The following TOP1 variants were observed in gnomAD, a reference collection of about 807,000 sequenced individuals.
TOP1 encodes the protein DNA topoisomerase I.
TOP1 carries 10 observed loss-of-function variants against 111.1 expected under a neutral mutation model. The ratio of observed to expected loss-of-function variants is 0.09; its 90% CI spans 0.06 to 0.15. The LOEUF (loss-of-function observed/expected upper bound fraction) is 0.15, where lower values mean the gene tolerates loss of function less well. Among genes scored for constraint, TOP1 ranks in the 10% least tolerant of loss-of-function variants. The probability of loss-of-function intolerance (pLI) is 1.00; values close to 1 mark genes in which losing one functional copy is unlikely to be tolerated. For missense variants in TOP1, 474 were observed against 926.7 expected, an observed-to-expected ratio of 0.51 and a Z score of 6.34; for synonymous variants, 271 against 302.9, an observed-to-expected ratio of 0.89 and a Z score of 1.10.
In TOP1 at chr20:41,116,907, CTG is replaced by C. The variant is rs1325142634; in HGVS notation, c.1822+517_1822+518del. 3.3e-5 allele frequency among the ~76,000 whole-genome samples: 5 copies of C among 152,102 alleles called. No homozygotes were observed. Among genetic ancestry groups the C allele is most frequent in the African/African-American group, 1.2e-4 (5 of 41,400 alleles). On this transcript the variant is annotated intron_variant, in intron 17 of 20. Transcript: ENST00000361337. The surrounding 1 kb of genome is among the most constrained non-coding windows in gnomAD (Gnocchi z 5.6). The stretch of plus-strand genomic sequence containing the variant: ...GTCACTATTGAATTTCCACTGCCCT[CTG>C]TAAATACATCAGATGGCCTTAGAAT...
intron 13 of TOP1, among the ~76,000 whole-genome samples, chr20:41,111,830 T>C (rs1443198977): frequency 6.6e-6 from 1 of 152,118 alleles, no homozygotes; most frequent in Non-Finnish European, 1.5e-5. Context: ...CTAGTCTGTT[T>C]TATGCTGTTT....
rs1045873137 is a variant in TOP1 at position 41,028,876 on chromosome 20, C to G, written c.-192C>G. 2.8e-5 allele frequency: 16 copies of G among 561,542 alleles called. No homozygotes were observed. The highest frequency in any genetic ancestry group is 2.8e-4 in the African/African-American group (14 of 50,024). 34.8% of individuals were successfully genotyped at this position (561,542 alleles called of 1,614,324 possible). A position where few individuals can be genotyped will look rare whatever the true frequency, so the allele number is the denominator to read the frequency against. On this transcript the variant is annotated 5_prime_UTR_variant, in exon 1 of 21. Transcript: ENST00000361337. ...GCTGGGGTCTGTTCTCGCCGCCCGC[C>G]CGGCAGTCAGGCAGCGTCGCCGCCG... is the stretch of plus-strand genomic sequence containing the variant.
intron 2 of TOP1, among the ~76,000 whole-genome samples, chr20:41,055,410 A>G (rs1457756196): frequency 6.6e-6 from 1 of 152,246 alleles, no homozygotes; most frequent in African/African-American, 2.4e-5. Context: ...AGGCCACAGT[A>G]TGTTCTCTCC....
intron 3 of TOP1, among the ~76,000 whole-genome samples, chr20:41,073,887 C>A (rs1210722714): frequency 6.6e-6 from 1 of 152,148 alleles, no homozygotes; most frequent in African/African-American, 2.4e-5. Context: ...ATTCATCCAT[C>A]AATATTATAG....
intron 3 of TOP1, among the ~76,000 whole-genome samples, chr20:41,065,488 A>G (rs980437564): frequency 1.3e-5 from 2 of 152,204 alleles, no homozygotes; most frequent in African/African-American, 4.8e-5. Context: ...TGTCACCACT[A>G]TCTCCAGAAC....
Position 41,116,506 on chromosome 20 carries a change from C to T in TOP1, c.1822+114C>T. The T allele has an allele frequency of 4.0e-6, 3 of 743,946 alleles. No homozygotes were observed. The highest frequency in any genetic ancestry group is 3.4e-5 in the South Asian group (2 of 58,394). The allele number at this position is 743,946 out of a possible 1,614,324, so 46.1% of individuals were successfully genotyped here. On this transcript the variant is annotated intron_variant, in intron 17 of 20. Coordinates refer to ENST00000361337, the MANE Select transcript of TOP1 (RefSeq NM_003286.4). This position sits in a 1 kb window ranked among gnomAD's most constrained non-coding sequence, Gnocchi z 5.6. Reference sequence around the variant, plus strand: ...TTTTTTCCCTACCATTGTGGTCAGACACTTTTTCCCTTTAGACCTCTAGTA... The same window carrying T: ...TTTTTTCCCTACCATTGTGGTCAGATACTTTTTCCCTTTAGACCTCTAGTA...
At chr20:41,081,962 G>A (rs181544174) in intron 7 of TOP1, among the ~76,000 whole-genome samples, 1 of 152,292 alleles carries the variant, frequency 6.6e-6, no homozygotes. Context: ...GATGCTTGTG[G>A]TAGATTGAAA....
Position 41,091,261 on chromosome 20 carries a change from T to C in TOP1, c.615-1211T>C, listed in dbSNP as rs945790204. Among the ~76,000 whole-genome samples the C allele has an allele frequency of 6.6e-5, 10 of 152,214 alleles. 1 individual carries two copies. The highest frequency in any genetic ancestry group is 5.9e-4 in the Admixed American group (9 of 15,284). ...AAATATGAGGGTAGTAAGTTAGTTA[T>C]CTATTCGAGTAAAAGAAACTTGAGG... On this transcript the variant is annotated intron_variant, in intron 8 of 20. Coordinates refer to ENST00000361337, the MANE Select transcript of TOP1 (RefSeq NM_003286.4).
Position 41,102,806 on chromosome 20 carries a change from A to C in TOP1, c.1308+1453A>C, listed in dbSNP as rs989737718. Among the ~76,000 whole-genome samples the C allele has an allele frequency of 6.6e-6, 1 of 152,202 alleles. No homozygotes were observed. The highest frequency in any genetic ancestry group is 1.5e-5 in the Non-Finnish European group (1 of 68,028). ...AATAGTTTTAGCCCTTAAGGAACTT[A>C]TAGGCTGGTGGGCAAATCAGGTAAG... On this transcript the variant is annotated intron_variant, in intron 13 of 20. Transcript: ENST00000361337. The surrounding 1 kb of genome is among the most constrained non-coding windows in gnomAD (Gnocchi z 4.0).
chr20:41,090,457 C>T (rs186784588), intron 8 of TOP1, among the ~76,000 whole-genome samples: 8 of 152,290 alleles, frequency 5.3e-5, no homozygotes, highest in Admixed American at 5.2e-4. Flanking sequence ...CTTTCACTCT[C>T]TTGAAGTGTC....
intron 8 of TOP1, among the ~76,000 whole-genome samples, chr20:41,086,066 C>T (rs553076040): frequency 6.6e-6 from 1 of 152,168 alleles, no homozygotes; most frequent in Non-Finnish European, 1.5e-5. Flanking sequence ...AGTTCGAGAC[C>T]AACCTGGCCA....
At chr20:41,066,253 TAAA>T (rs147532568) in intron 3 of TOP1, among the ~76,000 whole-genome samples, 1 of 143,552 alleles carries the variant, frequency 7.0e-6, no homozygotes, top group Non-Finnish European at 1.5e-5. Flanking sequence ...AATCTTCTCT[TAAA>T]AAAAAAAAAG....
Position 41,116,509 on chromosome 20 carries a change from T to C in TOP1, c.1822+117T>C. The C allele has an allele frequency of 2.7e-6, 2 of 727,784 alleles. No homozygotes were observed. The highest frequency in any genetic ancestry group is 4.6e-6 in the Non-Finnish European group (2 of 430,166). The allele number at this position is 727,784 out of a possible 1,614,324, so 45.1% of individuals were successfully genotyped here. On this transcript the variant is annotated intron_variant, in intron 17 of 20. Coordinates refer to ENST00000361337, the MANE Select transcript of TOP1 (RefSeq NM_003286.4). The surrounding 1 kb of genome is among the most constrained non-coding windows in gnomAD (Gnocchi z 5.6). ...TTTCCCTACCATTGTGGTCAGACAC[T>C]TTTTCCCTTTAGACCTCTAGTAGCG...
intron 8 of TOP1, among the ~76,000 whole-genome samples, chr20:41,088,270 G>C (rs576385874): frequency 4.6e-5 from 7 of 152,252 alleles, no homozygotes; most frequent in Middle Eastern, 3.4e-3. Context: ...AGGCCGAAGC[G>C]GGCAGATCAC....
chr20:41,040,525 C>T (rs946678155), intron 2 of TOP1, among the ~76,000 whole-genome samples: 20 of 152,246 alleles, frequency 1.3e-4, no homozygotes, highest in Admixed American at 1.3e-3. Flanking sequence ...TAACTACTGG[C>T]TTGTTACACT....
Position 41,116,413 on chromosome 20 carries a change from T to C in TOP1, c.1822+21T>C, listed in dbSNP as rs149340590. The C allele has an allele frequency of 1.9e-6, 3 of 1,579,760 alleles. No individual in the cohort carries two copies. The highest frequency in any genetic ancestry group is 1.7e-6 in the Non-Finnish European group (2 of 1,148,624). On this transcript the variant is annotated intron_variant, in intron 17 of 20. Transcript: ENST00000361337. The surrounding 1 kb of genome is among the most constrained non-coding windows in gnomAD (Gnocchi z 5.6). Reference sequence around the variant, plus strand: ...AGCCCGTAAGTATTGCTTGGCCAGATAGGGCCCACACCCCTACTAATGGTA... The same window carrying C: ...AGCCCGTAAGTATTGCTTGGCCAGACAGGGCCCACACCCCTACTAATGGTA...
Position 41,101,140 on chromosome 20 carries a change from T to G in TOP1, c.1164-69T>G. 2 of 1,560,342 alleles carry G rather than the reference T, an allele frequency of 1.3e-6. No homozygotes were observed. The highest frequency in any genetic ancestry group is 2.7e-5 in the African/African-American group (2 of 73,960). ...AATTATGCTCAGCAGATAGGTCCAC[T>G]TGGGGTCATGAAAGGTGAAATTATT... is the stretch of plus-strand genomic sequence containing the variant. On this transcript the variant is annotated intron_variant, in intron 12 of 20. Transcript: ENST00000361337. The surrounding 1 kb of genome is among the most constrained non-coding windows in gnomAD (Gnocchi z 4.1).
Position 41,097,799 on chromosome 20 carries a change from A to G in TOP1, c.853-416A>G, listed in dbSNP as rs2034002929. On this transcript the variant is annotated intron_variant, in intron 10 of 20. Transcript: ENST00000361337. This position sits in a 1 kb window ranked among gnomAD's most constrained non-coding sequence, Gnocchi z 4.2. Reference sequence around the variant, plus strand: ...TAAAATCTCATTATTCTCAATTTGGATAATGTGGACAGAGGCAGCAGTAAA... The same window carrying G: ...TAAAATCTCATTATTCTCAATTTGGGTAATGTGGACAGAGGCAGCAGTAAA... Among the ~76,000 whole-genome samples the G allele has an allele frequency of 6.6e-6, 1 of 152,134 alleles. No individual in the cohort carries two copies. The highest frequency in any genetic ancestry group is 2.1e-4 in the South Asian group (1 of 4,828).
At chr20:41,084,112 G>A (rs1047974718) in intron 7 of TOP1, among the ~76,000 whole-genome samples, 9 of 151,988 alleles carry the variant, frequency 5.9e-5, no homozygotes, top group African/African-American at 2.2e-4. Flanking sequence ...GTTTAAAGAT[G>A]AGTAGGATTA....
Sources: allele counts gnomAD v4.1 joint callset (sites outside exome capture counted in the v4.1 genomes callset), GRCh38; gene constraint gnomAD v4.1.1; non-coding constraint Gnocchi (gnomAD v3.1); transcripts MANE v1.5; gene names NCBI Gene and HGNC (gene_info 2026-07-23, HGNC 2026-07-21).